ISCU: variants seen among roughly 807,000 people sequenced by gnomAD.
The protein encoded by ISCU is iron-sulfur cluster assembly enzyme ISCU.
A neutral mutation model predicts 18.4 loss-of-function variants in ISCU; 13 were observed. The ratio of observed to expected loss-of-function variants is 0.71; its 90% CI spans 0.46 to 1.12. The LOEUF (loss-of-function observed/expected upper bound fraction) is 1.12. Ranked by LOEUF, ISCU falls within the 50% of genes most tolerant of loss-of-function variation. The pLI is 0.00. For synonymous variants in ISCU, 104 were observed against 87.5 expected, an observed-to-expected ratio of 1.19 and a Z score of -1.06; for missense variants, 229 against 208.7, an observed-to-expected ratio of 1.10 and a Z score of -0.60.
intron 3 of ISCU, among the ~76,000 whole-genome samples, chr12:108,566,679 A>G (rs1175587646): frequency 1.3e-5 from 2 of 152,230 alleles, no homozygotes; most frequent in Non-Finnish European, 2.9e-5. Context: ...TCCTATAGGC[A>G]AAGGGGACAC....
At chr12:108,567,386 A>G (rs922355836) in intron 4 of ISCU, 118 bp downstream of exon 4, 5 of 870,334 alleles carry the variant, frequency 5.7e-6, no homozygotes, top group Non-Finnish European at 9.6e-6. Context: ...ATTAGAGCTC[A>G]TGAGTCTGTC....
chr12:108,564,207 G>T (rs776701352), intron 1 of ISCU, 72 bp from the exon 2 acceptor site: 49 of 1,559,494 alleles, frequency 3.1e-5, no homozygotes, highest in Non-Finnish European at 4.2e-5. Context: ...GCTGACCGAG[G>T]AGCTTACCAT....
At chr12:108,567,793 T>G in intron 4 of ISCU, 2 of 1,531,658 alleles carry the variant, frequency 1.3e-6, no homozygotes. Flanking sequence ...CTAAGCCCAG[T>G]TGTACAATGT....
rs1238719521 is a variant in ISCU at position 108,565,358 on chromosome 12, G to A, written c.266G>A (p.Arg89Lys). The change falls in exon 3 of 5, where the codon AGG (arginine) becomes AAG (lysine). Residue 89 changes from arginine to lysine, a missense_variant. Coordinates refer to ENST00000311893, the MANE Select transcript of ISCU (RefSeq NM_213595.4). ...GAAAAGGGGAAGATTGTGGATGCTA[G>A]GTTTAAAACATTTGGCTGTGGTTCC... ...VDEKGKIVDA[R>K]FKTFGCGSAI... The A allele has an allele frequency of 2.5e-6, 4 of 1,614,170 alleles. No homozygotes were observed. The highest frequency in any genetic ancestry group is 3.4e-6 in the Non-Finnish European group (4 of 1,180,006).
rs2030760836 is a variant in ISCU, at chr12:108,563,989, T to G, written c.115-290T>G. The G allele has an allele frequency of 2.9e-6, 3 of 1,022,284 alleles. 1 individual carries two copies. The highest frequency in any genetic ancestry group is 4.7e-6 in the Non-Finnish European group (3 of 642,400). 63.3% of individuals were successfully genotyped at this position (1,022,284 alleles called of 1,614,324 possible). A position where few individuals can be genotyped will look rare whatever the true frequency, so the allele number is the denominator to read the frequency against. ...GCCCAAGTCTGGTGATGTAGGTGGG[T>G]GAAAGTCAAGTATTTTTGTAAAAAT... On this transcript the variant is annotated intron_variant, in intron 1 of 4. Transcript: ENST00000311893.
chr12:108,565,930 C>T (rs185294543), intron 3 of ISCU, among the ~76,000 whole-genome samples: 101 of 152,368 alleles, frequency 6.6e-4, no homozygotes, highest in Non-Finnish European at 1.0e-3. Context: ...TGGCTGATCG[C>T]AAGCCCTCTA....
At chr12:108,568,501 G>C in intron 4 of ISCU, 1 of 1,218,610 alleles carries the variant, frequency 8.2e-7, no homozygotes, top group Non-Finnish European at 1.0e-6. Context: ...CTATGTGTCA[G>C]ACATCTTCTG....
At chr12:108,563,958 G>C (rs1176425163) in intron 1 of ISCU, 2 of 784,390 alleles carry the variant, frequency 2.5e-6, no homozygotes, top group Admixed American at 1.9e-5. Context: ...CAAAACTGCT[G>C]TTTGAGCCCA....
At chr12:108,565,238 G>C in intron 2 of ISCU, 83 bp from the exon 3 acceptor site, 1 of 955,540 alleles carries the variant, frequency 1.0e-6, no homozygotes, top group Non-Finnish European at 1.7e-6. Flanking sequence ...AGCCCTTGGG[G>C]AAGGCCCTGG....
chr12:108,566,240 T>A (rs1041755400), intron 3 of ISCU, among the ~76,000 whole-genome samples: 11 of 152,268 alleles, frequency 7.2e-5, no homozygotes, highest in African/African-American at 2.7e-4. Context: ...CACGGCCTTC[T>A]GGCTGGCAAG....
chr12:108,568,059 C>T, intron 4 of ISCU: 1 of 1,459,196 alleles, frequency 6.9e-7, no homozygotes, highest in Non-Finnish European at 9.0e-7. Flanking sequence ...GGCAGACACA[C>T]TAACTCATTC....
In ISCU at chr12:108,568,906, A is replaced by G. The variant is rs1210147654; in HGVS notation, c.494A>G (p.Glu165Gly). 2 of 1,611,664 alleles carry G rather than the reference A, an allele frequency of 1.2e-6. No individual in the cohort carries two copies. The highest frequency in any genetic ancestry group is 8.5e-7 in the Non-Finnish European group (1 of 1,178,982). ...CAAGAACCCAAAAAAGGAGAGGCAGAGAAGAAATGAGCCCTCCCTCGGCGA... is the reference window on the plus strand; with the variant it reads ...CAAGAACCCAAAAAAGGAGAGGCAGGGAAGAAATGAGCCCTCCCTCGGCGA... ...LKQEPKKGEA[E>G]KK The change falls in exon 5 of 5, where the codon GAG becomes GGG. Residue 165 changes from glutamate (E) to glycine (G), a missense_variant. By Grantham distance (98) the Glu-to-Gly change is moderately conservative. Transcript: ENST00000311893.
intron 1 of ISCU, chr12:108,564,012 A>C (rs1295302343): frequency 2.3e-6 from 3 of 1,278,758 alleles, no homozygotes; most frequent in East Asian, 2.3e-5. Context: ...TTTTTGTAAA[A>C]ATCCTATGGA....
chr12:108,562,556 A>G, upstream of ISCU: 1 of 918,912 alleles, frequency 1.1e-6, no homozygotes, highest in Non-Finnish European at 1.5e-6. Flanking sequence ...CCCAGCTCGG[A>G]GCCGACTCGC....
At chr12:108,565,480 T>G (rs1287781679) in intron 3 of ISCU, 49 bp downstream of exon 3, 2 of 1,234,830 alleles carry the variant, frequency 1.6e-6, no homozygotes, top group Non-Finnish European at 2.4e-6. Context: ...AACCATGACT[T>G]TTTTTTAATA....
rs540198365 is a variant in ISCU at position 108,569,037 on chromosome 12, C to A, written c.*121C>A. The A allele has an allele frequency of 1.2e-6, 1 of 800,070 alleles. No homozygotes were observed. Among genetic ancestry groups the A allele is most frequent in the Admixed American group, 2.1e-5 (1 of 47,886 alleles). The allele number at this position is 800,070 out of a possible 1,614,324, so 49.6% of individuals were successfully genotyped here. On this transcript the variant is annotated 3_prime_UTR_variant, in exon 5 of 5. Coordinates refer to ENST00000311893, the MANE Select transcript of ISCU (RefSeq NM_213595.4). Reference sequence around the variant, plus strand: ...GAAGAGCTATGAGATACGCACAATACTTGCTGTTCACGTTATGACTCTCAT... The same window carrying A: ...GAAGAGCTATGAGATACGCACAATAATTGCTGTTCACGTTATGACTCTCAT...
At chr12:108,567,414 G>T (rs1308065511) in intron 4 of ISCU, 146 bp downstream of exon 4, 2 of 773,276 alleles carry the variant, frequency 2.6e-6, no homozygotes, top group African/African-American at 1.7e-5. Context: ...CCTGCAGAGG[G>T]TTAGAGCCCC....
intron 1 of ISCU, 32 bp downstream of exon 1, chr12:108,562,768 G>C: frequency 7.7e-7 from 1 of 1,301,364 alleles, no homozygotes; most frequent in Non-Finnish European, 1.0e-6. Flanking sequence ...GCGGAATGCC[G>C]ACTCAGCGGA....
intron 1 of ISCU, 100 bp downstream of exon 1, chr12:108,562,836 C>A: frequency 1.9e-6 from 1 of 540,378 alleles, no homozygotes; most frequent in Non-Finnish European, 3.0e-6. Flanking sequence ...GGAGCTGTCC[C>A]CTCCCACGTC....
Sources: allele counts gnomAD v4.1 joint callset (sites outside exome capture counted in the v4.1 genomes callset), GRCh38; gene constraint gnomAD v4.1.1; transcripts MANE v1.5; gene names NCBI Gene and HGNC (gene_info 2026-07-23, HGNC 2026-07-21).